Variants in PPP2R5C observed in about 807,000 individuals in gnomAD.
PPP2R5C encodes protein phosphatase 2 regulatory subunit B'gamma.
Under a neutral mutation model 68.9 loss-of-function variants are expected in PPP2R5C, and 7 were observed. The ratio of observed to expected loss-of-function variants is 0.10; its 90% CI spans 0.06 to 0.19. The LOEUF is 0.19. Among genes scored for constraint, PPP2R5C ranks in the 10% least tolerant of loss-of-function variants. The pLI is 1.00. For missense variants in PPP2R5C, 348 were observed against 641.3 expected (o/e 0.54, Z 4.94); for synonymous variants, 210 against 222.2 (o/e 0.95, Z 0.49).
chr14:101,893,747 T>C (rs2045121168), intron 7 of PPP2R5C, among the ~76,000 whole-genome samples: 1 of 152,222 alleles, frequency 6.6e-6, no homozygotes, highest in South Asian at 2.1e-4. Flanking sequence ...TGAAACTCCA[T>C]CTCAAAAATA....
chr14:101,883,324 A>G (rs2044279292), exon 4 of PPP2R5C: 1 of 1,599,618 alleles, frequency 6.3e-7, no homozygotes, highest in Admixed American at 1.8e-5. Flanking sequence ...GCGAAGAAAT[A>G]TATTGATCAG....
At chr14:101,902,596 G>A (rs745969960) in intron 9 of PPP2R5C, among the ~76,000 whole-genome samples, 7 of 152,164 alleles carry the variant, frequency 4.6e-5, no homozygotes, top group Non-Finnish European at 1.0e-4. Context: ...GGTGCCCAGG[G>A]AGCAGGCCAC....
At chr14:101,883,219 TCTCATGTTATTTGA>T in intron 3 of PPP2R5C, 24 bp from the exon 6 acceptor site, 1 of 1,381,804 alleles carries the variant, frequency 7.2e-7, no homozygotes, top group South Asian at 1.3e-5. Context: ...TTCAATAAAA[TCTCATGTTATTTGA>T]CTCATTGTTT....
chr14:101,834,210 G>T lies in PPP2R5C; in HGVS notation c.95-22476G>T, dbSNP rs539477277. On this transcript the variant is annotated intron_variant, in intron 1 of 13. Coordinates refer to ENST00000334743, the Ensembl canonical transcript of PPP2R5C. ...GAGTCACCCTGAGAATTTGAGCAGG[G>T]TGTGCTGTGTGGTTACTTGGACTCC... Among the ~76,000 whole-genome samples, 18 of 152,332 alleles carry T rather than the reference G, an allele frequency of 1.2e-4. No homozygotes were observed. In the South Asian group the frequency reaches 3.1e-3, roughly 26 times the overall value.
upstream of PPP2R5C, chr14:101,761,864 C>G (rs775322078): frequency 1.1e-6 from 1 of 920,486 alleles, no homozygotes; most frequent in Non-Finnish European, 1.3e-6. Context: ...GCGGCAGGGG[C>G]GGCGGCGGCG....
At chr14:101,837,459 G>A (rs900774729) in intron 1 of PPP2R5C, among the ~76,000 whole-genome samples, 3 of 152,110 alleles carry the variant, frequency 2.0e-5, no homozygotes, top group South Asian at 2.1e-4. Flanking sequence ...CATGGTATAA[G>A]TTTTTAAACT....
At chr14:101,792,947 G>C (rs1424698886) in intron 3 of PPP2R5C, among the ~76,000 whole-genome samples, 2 of 149,344 alleles carry the variant, frequency 1.3e-5, no homozygotes, top group African/African-American at 5.0e-5. Context: ...GTGCAATCTT[G>C]GCTCCCTGCA....
rs2043891210 is a variant in PPP2R5C, at chr14:101,877,909, G to A, written c.295-4252G>A. 6.6e-6 allele frequency among the ~76,000 whole-genome samples: 1 copy of A among 152,222 alleles called. No homozygotes were observed. Among genetic ancestry groups the A allele is most frequent in the African/African-American group, 2.4e-5 (1 of 41,450 alleles). Reference sequence around the variant, plus strand: ...CTTCCCGGACCTAGGTCGGTCATCAGTCAAGGACGCTGTATCAGTCTGCTC... The same window carrying A: ...CTTCCCGGACCTAGGTCGGTCATCAATCAAGGACGCTGTATCAGTCTGCTC... On this transcript the variant is annotated intron_variant, in intron 2 of 13. Transcript: ENST00000334743. This position sits in a 1 kb window ranked among gnomAD's most constrained non-coding sequence, Gnocchi z 4.2.
intron 8 of PPP2R5C, among the ~76,000 whole-genome samples, chr14:101,896,050 C>T (rs1033216350): frequency 6.6e-6 from 1 of 152,092 alleles, no homozygotes; most frequent in Admixed American, 6.5e-5. Context: ...GAGAAAGTCT[C>T]ACTCTGTCAC....
At chr14:101,808,271 C>T (rs1386110566), upstream of PPP2R5C, among the ~76,000 whole-genome samples, 2 of 151,830 alleles carry the variant, frequency 1.3e-5, no homozygotes, top group African/African-American at 2.4e-5. Flanking sequence ...ACTGAAAGCA[C>T]GTGCTCTTTA....
At position 101,911,104 on chromosome 14, in the gene PPP2R5C, A is replaced by G. The variant is rs548369861; in HGVS notation, c.1254-1297A>G. 6.1e-3 allele frequency among the ~76,000 whole-genome samples: 904 copies of G among 148,168 alleles called. 12 individuals carry two copies. Among genetic ancestry groups the G allele is most frequent in the African/African-American group, 0.021 (848 of 40,780 alleles). On this transcript the variant is annotated intron_variant, in intron 11 of 13. Transcript: ENST00000334743. Reference sequence around the variant, plus strand: ...GGAGACAGAGAGAGACTCCGTCTCAAAAAAAAAAAAAATACAAAAAAAAAT... The same window carrying G: ...GGAGACAGAGAGAGACTCCGTCTCAGAAAAAAAAAAAATACAAAAAAAAAT...
At chr14:101,823,657 C>A in intron 1 of PPP2R5C, 1 of 639,722 alleles carries the variant, frequency 1.6e-6, no homozygotes, top group Non-Finnish European at 2.0e-6. Context: ...GAAACTGAAG[C>A]AGAGAGGTTC....
At chr14:101,893,525 A>G (rs2045101673) in intron 7 of PPP2R5C, among the ~76,000 whole-genome samples, 1 of 152,166 alleles carries the variant, frequency 6.6e-6, no homozygotes, top group East Asian at 1.9e-4. Flanking sequence ...GCTGAGGCGG[A>G]CAGATCACCT....
At chr14:101,800,405 T>C (rs1461206612) in intron 3 of PPP2R5C, among the ~76,000 whole-genome samples, 1 of 151,502 alleles carries the variant, frequency 6.6e-6, no homozygotes, top group Non-Finnish European at 1.5e-5. Flanking sequence ...CTACTAAAAG[T>C]TCAAAAAATT....
At chr14:101,909,445 G>A (rs545095954) in intron 10 of PPP2R5C, 144 bp from the exon 13 acceptor site, 69 of 463,802 alleles carry the variant, frequency 1.5e-4, no homozygotes, top group African/African-American at 1.1e-3. Flanking sequence ...AACAAGTAAC[G>A]CGGAATGAGC....
chr14:101,819,536 C>T (rs574184892), intron 1 of PPP2R5C: 3 of 154,728 alleles, frequency 1.9e-5, no homozygotes, highest in African/African-American at 7.2e-5. Context: ...TAAGTCTCAA[C>T]TCTTTTGTAT....
intron 2 of PPP2R5C, among the ~76,000 whole-genome samples, chr14:101,782,192 T>C (rs1419167534): frequency 1.8e-4 from 4 of 22,282 alleles, no homozygotes; most frequent in African/African-American, 4.4e-4. Context: ...CTCTCTTTCC[T>C]CTTTCTCTCT....
At chr14:101,761,471 G>A (rs2036521333), upstream of PPP2R5C, among the ~76,000 whole-genome samples, 2 of 148,948 alleles carry the variant, frequency 1.3e-5, no homozygotes, top group Non-Finnish European at 1.5e-5. Context: ...CGGAGGGCGG[G>A]GGCGTGAACG....
At chr14:101,792,325 G>A (rs7141459) in intron 3 of PPP2R5C, among the ~76,000 whole-genome samples, 20,946 of 152,180 alleles carry the variant, frequency 0.14, 1,596 homozygotes, top group Admixed American at 0.19. Flanking sequence ...ACTAGTAATA[G>A]TCTGCAGTGT....
Sources: gnomAD v4.1 joint callset for allele counts (sites outside exome capture counted in the v4.1 genomes callset) on GRCh38, gnomAD v4.1.1 for gene constraint, Gnocchi (gnomAD v3.1) non-coding constraint, MANE v1.5 for transcripts, NCBI Gene and HGNC (gene_info 2026-07-23, HGNC 2026-07-21) for gene names.